Variants in PSG5 observed in about 807,000 individuals in gnomAD.
The protein encoded by PSG5 is pregnancy-specific beta-1-glycoprotein 5.
Under a neutral mutation model 37.7 loss-of-function variants are expected in PSG5, and 53 were observed. The observed-to-expected ratio is 1.41, with a 90% CI of 1.13 to 1.77. The LOEUF (loss-of-function observed/expected upper bound fraction) is 1.77. Among genes scored for constraint, PSG5 ranks in the 40% most tolerant of loss-of-function variants. The pLI is 0.00. For synonymous variants in PSG5, 221 were observed against 155.4 expected, an observed-to-expected ratio of 1.42 and a Z score of -3.14; for missense variants, 547 against 405.2, an observed-to-expected ratio of 1.35 and a Z score of -3.00.
intron 2 of PSG5, among the ~76,000 whole-genome samples, chr19:43,181,148 C>G (rs1234959606): frequency 6.6e-6 from 1 of 151,604 alleles, no homozygotes; most frequent in Non-Finnish European, 1.5e-5. Context: ...TTATGTGGCA[C>G]AGGCAGTAAA....
chr19:43,184,148 C>G (rs1215649180), intron 2 of PSG5, among the ~76,000 whole-genome samples: 2 of 151,790 alleles, frequency 1.3e-5, no homozygotes, highest in Non-Finnish European at 1.5e-5. Flanking sequence ...AAGCAGTTGG[C>G]TGATGTCCTA....
At position 43,176,036 on chromosome 19, in the gene PSG5, C is replaced by T. The variant is rs1969003191; in HGVS notation, c.543G>A (p.Trp181Ter). ...TGACCGGGAGGCTCTGACCATTTAG[C>T]CACCAAATGTAGGTGTAGTTCTCAC... Reference protein sequence around the residue: ...PKSENYTYIWWLNGQSLPVSP... With the variant: ...PKSENYTYIW Residue 181 changes from tryptophan to a stop codon, truncating the protein, a stop_gained, in exon 3 of 6, where the codon TGG becomes TGA. Transcript: ENST00000342951. LOFTEE classifies it high-confidence loss of function. 1.2e-6 allele frequency: 2 copies of T among 1,611,076 alleles called. No homozygotes were observed. The highest frequency in any genetic ancestry group is 1.7e-6 in the Non-Finnish European group (2 of 1,179,178).
rs1255220424 is a variant in PSG5 at position 43,175,187 on chromosome 19, A to G, written c.964+28T>C. 22 of 1,612,212 alleles carry G rather than the reference A, an allele frequency of 1.4e-5. 1 individual carries two copies. The highest frequency in any genetic ancestry group is 1.7e-4 in the Middle Eastern group (1 of 5,838). ...CCAGGTAGACTCCACCTAAAACCCT[A>G]TTGCCAAGGATGCTGGGATCCACTT... On this transcript the variant is annotated intron_variant, in intron 4 of 5. Coordinates refer to ENST00000342951, the MANE Select transcript of PSG5 (RefSeq NM_002781.4).
At chr19:43,182,576 T>G (rs1287097308) in intron 2 of PSG5, among the ~76,000 whole-genome samples, 2 of 151,202 alleles carry the variant, frequency 1.3e-5, no homozygotes, top group South Asian at 2.1e-4. Context: ...CCCCTGAAAC[T>G]ATCCTTGAAA....
chr19:43,183,736 G>A lies in PSG5; in HGVS notation c.430+1046C>T, dbSNP rs1384025175. Among the ~76,000 whole-genome samples, 13 of 150,654 alleles carry A rather than the reference G, an allele frequency of 8.6e-5. 1 individual carries two copies. The highest frequency in any genetic ancestry group is 1.8e-4 in the Non-Finnish European group (12 of 67,430). On this transcript the variant is annotated intron_variant, in intron 2 of 5. Coordinates refer to ENST00000342951, the MANE Select transcript of PSG5 (RefSeq NM_002781.4). ...ATTTGAGCCAATAAATGACTATGGG[G>A]TCCTTGGAACCCAGTAAGCCCTCAC... is the stretch of plus-strand genomic sequence containing the variant.
chr19:43,177,984 G>A (rs1969046596), intron 2 of PSG5, among the ~76,000 whole-genome samples: 2 of 151,472 alleles, frequency 1.3e-5, no homozygotes, highest in African/African-American at 4.9e-5. Flanking sequence ...TGATGTTAAC[G>A]TGAATTGAAA....
intron 2 of PSG5, among the ~76,000 whole-genome samples, chr19:43,178,052 T>C (rs1300719485): frequency 5.9e-5 from 9 of 151,632 alleles, no homozygotes; most frequent in Admixed American, 2.0e-4. Context: ...TAAAGAATGA[T>C]CTAGAAAGAG....
At chr19:43,179,467 C>T (rs1969082255) in intron 2 of PSG5, among the ~76,000 whole-genome samples, 1 of 151,660 alleles carries the variant, frequency 6.6e-6, no homozygotes, top group African/African-American at 2.4e-5. Context: ...ACTAAAACTG[C>T]CTGCCTGACC....
chr19:43,186,316 C>A (rs764795302), intron 1 of PSG5, 26 bp downstream of exon 1: 2 of 1,611,144 alleles, frequency 1.2e-6, no homozygotes, highest in African/African-American at 1.3e-5. Context: ...CTCCTCCTGT[C>A]CTCTCCCAGG....
At position 43,167,989 on chromosome 19, in the gene PSG5, G is replaced by T. The variant is rs993160555; in HGVS notation, c.*255C>A. The T allele has an allele frequency of 9.2e-4, 375 of 408,922 alleles. 4 individuals carry two copies. Among genetic ancestry groups the T allele is most frequent in the South Asian group, 1.3e-4 (1 of 7,756 alleles). The allele number at this position is 408,922 out of a possible 1,614,324, so 25.3% of individuals were successfully genotyped here. A position where few individuals can be genotyped will look rare whatever the true frequency, so the allele number is the denominator to read the frequency against. On this transcript the variant is annotated 3_prime_UTR_variant, in exon 6 of 6. Coordinates refer to ENST00000342951, the MANE Select transcript of PSG5 (RefSeq NM_002781.4). ...TTTTGATTATTTAGTCCAATAACAT[G>T]GAGTTTTTTTCTTCTTTGTCTAGAA...
intron 4 of PSG5, chr19:43,174,944 G>C (rs1255517771): frequency 1.5e-5 from 20 of 1,321,268 alleles, no homozygotes; most frequent in South Asian, 3.3e-5. Flanking sequence ...TCATCCCTCT[G>C]TGAAGCCTCC....
At chr19:43,171,401 G>A (rs1273713243) in intron 4 of PSG5, 3 of 156,500 alleles carry the variant, frequency 1.9e-5, no homozygotes, top group Admixed American at 6.5e-5. Context: ...ATTTATAACT[G>A]TAAACTCTTA....
At chr19:43,173,872 TC>T (rs1968951793) in intron 4 of PSG5, among the ~76,000 whole-genome samples, 1 of 151,184 alleles carries the variant, frequency 6.6e-6, no homozygotes, top group African/African-American at 2.4e-5. Flanking sequence ...CTGGACAAAC[TC>T]CCCATAGAAA....
chr19:43,174,614 G>T lies in PSG5; in HGVS notation c.964+601C>A, dbSNP rs2122211692. ...TGCAGCCTGGCCCGGGGGAGGCTTG[G>T]CTTCAACTGGCAGCTCGATTTAGCC... is the stretch of plus-strand genomic sequence containing the variant. On this transcript the variant is annotated intron_variant, in intron 4 of 5. Coordinates refer to ENST00000342951, the MANE Select transcript of PSG5 (RefSeq NM_002781.4). The T allele has an allele frequency of 1.7e-5, 17 of 974,310 alleles. 1 individual carries two copies. The highest frequency in any genetic ancestry group is 2.1e-5 in the Non-Finnish European group (17 of 818,220). The allele number at this position is 974,310 out of a possible 1,614,324, so 60.4% of individuals were successfully genotyped here.
chr19:43,186,058 C>T (rs8107382), intron 1 of PSG5, among the ~76,000 whole-genome samples: 27,780 of 150,848 alleles, frequency 0.18, 3,456 homozygotes, highest in Non-Finnish European at 0.27. Context: ...CTCGCTGCAA[C>T]TTCTGCCTCC....
At position 43,182,609 on chromosome 19, in the gene PSG5, G is replaced by T. The variant is rs564727301; in HGVS notation, c.430+2173C>A. On this transcript the variant is annotated intron_variant, in intron 2 of 5. Transcript: ENST00000342951. ...AAAATCTCTAACCCCTGATCCACTG[G>T]GGAGGCTGATTTGAGTAATAATAAA... Among the ~76,000 whole-genome samples, 8 of 150,300 alleles carry T rather than the reference G, an allele frequency of 5.3e-5. No homozygotes were observed. The East Asian group carries it at 1.6e-3, about 29-fold the overall frequency.
At chr19:43,175,680 C>G (rs1968993400) in intron 3 of PSG5, 190 bp downstream of exon 3, 1 of 1,397,506 alleles carries the variant, frequency 7.2e-7, no homozygotes, top group African/African-American at 1.5e-5. Context: ...ACAAGAGCGC[C>G]CCCTCCCCTT....
rs750283299 is a variant in PSG5 at position 43,175,291 on chromosome 19, T to G, written c.888A>C (p.Arg296Ser). Residue 296 changes from arginine (R) to serine (S), a missense_variant, in exon 4 of 6, where the codon AGA becomes AGC. Transcript: ENST00000342951. ...TACGAACAGAGCAAGTATAGAGCCC[T>G]CTATGCTTTGTAGTAATTTGGGGGA... ...LSIPQITTKH[R>S]GLYTCSVRNS... is the part of the protein sequence containing the mutation. 9.3e-6 allele frequency: 15 copies of G among 1,612,688 alleles called. 1 individual carries two copies. The highest frequency in any genetic ancestry group is 1.7e-5 in the Admixed American group (1 of 59,912).
rs1241150061 is a variant in PSG5, at chr19:43,174,525, G to C, written c.964+690C>G. 6.1e-5 allele frequency: 50 copies of C among 816,052 alleles called. 3 individuals carry two copies. The highest frequency in any genetic ancestry group is 7.6e-5 in the African/African-American group (4 of 52,928). 50.6% of individuals were successfully genotyped at this position (816,052 alleles called of 1,614,324 possible). On this transcript the variant is annotated intron_variant, in intron 4 of 5. Transcript: ENST00000342951. ...CTGTGCCCACAACCTCATACAACCG[G>C]TGACTTCAGAGCCAGGACGCAACGC...
Sources: allele counts gnomAD v4.1 joint callset (sites outside exome capture counted in the v4.1 genomes callset), GRCh38; gene constraint gnomAD v4.1.1; transcripts MANE v1.5; gene names NCBI Gene and HGNC (gene_info 2026-07-23, HGNC 2026-07-21).